The following MALRD1 variants were observed in gnomAD, a reference collection of about 807,000 sequenced individuals.
The protein encoded by MALRD1 is MAM and LDL receptor class A domain containing 1.
In MALRD1, 247 loss-of-function variants were observed where a neutral mutation model predicts 242.1. The ratio of observed to expected loss-of-function variants is 1.02; its 90% CI spans 0.92 to 1.13. The LOEUF (loss-of-function observed/expected upper bound fraction) is 1.13, where lower values mean the gene tolerates loss of function less well. MALRD1 is among the 50% of genes most tolerant of loss of function. MALRD1 has a pLI of 0.00. For synonymous variants in MALRD1, 995 were observed against 866.6 expected, an observed-to-expected ratio of 1.15 and a Z score of -2.60; for missense variants, 2,989 against 2,533.1, an observed-to-expected ratio of 1.18 and a Z score of -3.86.
At chr10:19,270,977 T>G (rs963732281) in intron 19 of MALRD1, among the ~76,000 whole-genome samples, 2 of 152,094 alleles carry the variant, frequency 1.3e-5, no homozygotes, top group African/African-American at 4.8e-5. Context: ...AACACATGGA[T>G]AAACCTAAAT....
intron 27 of MALRD1, 51 bp downstream of exon 27, chr10:19,387,824 A>C (rs1846151484): frequency 6.6e-7 from 1 of 1,515,014 alleles, no homozygotes; most frequent in African/African-American, 1.4e-5. Flanking sequence ...CACAATGTAC[A>C]TCAAAATGTC....
intron 21 of MALRD1, among the ~76,000 whole-genome samples, chr10:19,287,407 G>C (rs375178631): frequency 1.4e-4 from 21 of 151,994 alleles, no homozygotes; most frequent in African/African-American, 3.9e-4. Context: ...CCATCGTTCC[G>C]ACTGTGTATA....
chr10:19,256,793 A>C (rs922703257), intron 18 of MALRD1, among the ~76,000 whole-genome samples: 1 of 152,124 alleles, frequency 6.6e-6, no homozygotes, highest in Non-Finnish European at 1.5e-5. Context: ...TAGAGCTTGA[A>C]AAGTAAAACT....
chr10:19,587,115 C>G (rs985941916), intron 33 of MALRD1, among the ~76,000 whole-genome samples: 1 of 152,204 alleles, frequency 6.6e-6, no homozygotes, highest in African/African-American at 2.4e-5. Flanking sequence ...CACTGACCTG[C>G]GTCCACTGTC....
chr10:19,521,687 T>A (rs889789743), intron 31 of MALRD1, among the ~76,000 whole-genome samples: 7 of 152,162 alleles, frequency 4.6e-5, no homozygotes, highest in Non-Finnish European at 5.9e-5. Flanking sequence ...TTTTATGATT[T>A]TTAAAATTGT....
intron 28 of MALRD1, among the ~76,000 whole-genome samples, chr10:19,392,343 C>G (rs1428934071): frequency 3.3e-5 from 5 of 152,138 alleles, no homozygotes; most frequent in Non-Finnish European, 7.3e-5. Flanking sequence ...CATTTGTTTA[C>G]TCCCAACCCT....
chr10:19,725,995 A>C (rs1835007053), intron 38 of MALRD1, among the ~76,000 whole-genome samples: 1 of 152,226 alleles, frequency 6.6e-6, no homozygotes. Context: ...TAATGCATTT[A>C]AAAGAAAACA....
chr10:19,639,419 A>C (rs149131529), intron 36 of MALRD1, among the ~76,000 whole-genome samples: 1 of 152,176 alleles, frequency 6.6e-6, no homozygotes, highest in Non-Finnish European at 1.5e-5. Flanking sequence ...TGCCTACCAC[A>C]CGTGGAGATG....
chr10:19,523,939 A>G (rs1044244039), intron 31 of MALRD1, among the ~76,000 whole-genome samples: 1 of 152,248 alleles, frequency 6.6e-6, no homozygotes, highest in Non-Finnish European at 1.5e-5. Context: ...TTAGTCTCAA[A>G]AGAGATTAAT....
At chr10:19,555,109 A>C (rs999766111) in intron 32 of MALRD1, among the ~76,000 whole-genome samples, 2 of 152,094 alleles carry the variant, frequency 1.3e-5, no homozygotes, top group Non-Finnish European at 2.9e-5. Flanking sequence ...ATGATATCTC[A>C]TTGTGTTTTT....
chr10:19,615,910 G>A lies in MALRD1; in HGVS notation c.6124G>A (p.Gly2042Ser), dbSNP rs1839134466. Residue 2042 changes from glycine to serine, a missense_variant, in exon 36 of 40, where the codon GGT (glycine) becomes AGT (serine). Transcript: ENST00000454679. ...TGGGACTTGTGTAGTGGAGAAAAATGGTCCTATGTGTCGGTAAGAAGCATT... is the reference window on the plus strand; with the variant it reads ...TGGGACTTGTGTAGTGGAGAAAAATAGTCCTATGTGTCGGTAAGAAGCATT... The part of the protein sequence containing the change: ...NGGTCVVEKN[G>S]PMCRCRQGWK... 1.3e-6 allele frequency: 2 copies of A among 1,529,870 alleles called. No homozygotes were observed. Among genetic ancestry groups the A allele is most frequent in the Admixed American group, 2.0e-5 (1 of 50,482 alleles). 94.8% of individuals were successfully genotyped at this position (1,529,870 alleles called of 1,614,324 possible).
At chr10:19,378,942 T>A (rs1241188722) in intron 26 of MALRD1, among the ~76,000 whole-genome samples, 2 of 152,070 alleles carry the variant, frequency 1.3e-5, no homozygotes, top group Non-Finnish European at 2.9e-5. Context: ...CCTAGAGTCT[T>A]CTTTGTGACA....
intron 26 of MALRD1, among the ~76,000 whole-genome samples, chr10:19,362,576 AAAG>A (rs1341187068): frequency 6.6e-6 from 1 of 152,118 alleles, no homozygotes; most frequent in Non-Finnish European, 1.5e-5. Flanking sequence ...CATGCCTGAC[AAAG>A]AAGAGGCCAA....
At chr10:19,384,948 A>G (rs1846016725) in intron 26 of MALRD1, among the ~76,000 whole-genome samples, 2 of 151,500 alleles carry the variant, frequency 1.3e-5, no homozygotes, top group South Asian at 4.1e-4. Context: ...CCTTCTATGT[A>G]TAGTTTAAGA....
intron 22 of MALRD1, among the ~76,000 whole-genome samples, chr10:19,327,052 A>T (rs1843163362): frequency 6.6e-6 from 1 of 152,068 alleles, no homozygotes; most frequent in South Asian, 2.1e-4. Flanking sequence ...GTTGGGCAGG[A>T]AGCTCTTACT....
At chr10:19,618,307 C>A (rs1839259320) in intron 36 of MALRD1, among the ~76,000 whole-genome samples, 1 of 152,030 alleles carries the variant, frequency 6.6e-6, no homozygotes, top group African/African-American at 2.4e-5. Context: ...TATGGAGGTG[C>A]CTTTATGACA....
At chr10:19,621,706 T>C (rs1839409493) in intron 36 of MALRD1, among the ~76,000 whole-genome samples, 1 of 151,846 alleles carries the variant, frequency 6.6e-6, no homozygotes, top group Non-Finnish European at 1.5e-5. Context: ...AAAAGAGACC[T>C]GAATTTACAT....
intron 19 of MALRD1, among the ~76,000 whole-genome samples, chr10:19,273,857 C>A (rs943331964): frequency 9.9e-5 from 15 of 152,078 alleles, no homozygotes; most frequent in Middle Eastern, 3.4e-3. Context: ...AAAGATATGC[C>A]AGTGTCCAAC....
At chr10:19,052,206 AC>A in intron 1 of MALRD1, 1 of 310,440 alleles carries the variant, frequency 3.2e-6, no homozygotes. Context: ...AAAAAGAAAA[AC>A]CACAGGCCCT....
Sources: allele counts gnomAD v4.1 joint callset (sites outside exome capture counted in the v4.1 genomes callset), GRCh38; gene constraint gnomAD v4.1.1; transcripts MANE v1.5; gene names NCBI Gene and HGNC (gene_info 2026-07-23, HGNC 2026-07-21).